TMEM214: variants seen among roughly 807,000 people sequenced by gnomAD.
TMEM214 encodes transmembrane protein 214.
TMEM214 carries 71 observed loss-of-function variants against 89.8 expected under a neutral mutation model. The observed-to-expected ratio is 0.79, with a 90% CI of 0.65 to 0.96. The LOEUF (loss-of-function observed/expected upper bound fraction) is 0.96. TMEM214 is among the 40% of genes least tolerant of loss of function. TMEM214 has a pLI of 0.00. For synonymous variants in TMEM214, 332 were observed against 349.5 expected (o/e 0.95, Z 0.56); for missense variants, 754 against 843.4 (o/e 0.89, Z 1.31).
In TMEM214 at chr2:27,040,765, G is replaced by A; in HGVS notation, c.1998G>A (p.Trp666Ter). 1.2e-6 allele frequency: 2 copies of A among 1,614,168 alleles called. No individual in the cohort carries two copies. The highest frequency in any genetic ancestry group is 4.5e-5 in the East Asian group (2 of 44,884). ...MKTQLSEAVH[W>*]TWLCLQDITV... Reference sequence around the variant, plus strand: ...CACAGCTCAGTGAGGCTGTCCACTGGACCTGGCTTTGCCTACAGGACATTA... The same window carrying A: ...CACAGCTCAGTGAGGCTGTCCACTGAACCTGGCTTTGCCTACAGGACATTA... Residue 666 changes from tryptophan (W) to a stop codon, truncating the protein, a stop_gained, in exon 17 of 17, where the codon TGG (tryptophan) becomes TGA (stop). Coordinates refer to ENST00000238788, the MANE Select transcript of TMEM214 (RefSeq NM_017727.5). LOFTEE classifies it high-confidence loss of function.
chr2:27,039,801 G>C lies in TMEM214; in HGVS notation c.1586G>C (p.Cys529Ser). Residue 529 changes from cysteine (C) to serine (S), a missense_variant, in exon 14 of 17, where the codon TGT becomes TCT. Physicochemically the swap from Cys to Ser is moderately radical, Grantham distance 112 (BLOSUM62 -1). Transcript: ENST00000238788. ...SGFLPASQQA[C>S]AKLYSYSLQG... ...TTCTTACCTGCTAGCCAACAAGCGT[G>C]TGCCAAGCTCTACTCCTACAGTCTG... 1.2e-6 allele frequency: 2 copies of C among 1,614,228 alleles called. No homozygotes were observed. The highest frequency in any genetic ancestry group is 1.7e-6 in the Non-Finnish European group (2 of 1,180,046).
In TMEM214 at chr2:27,038,089, C is replaced by T. The variant is rs116333153; in HGVS notation, c.1153-57C>T. 7,217 of 1,613,274 alleles carry T rather than the reference C, an allele frequency of 4.5e-3. 38 individuals carry two copies. Among genetic ancestry groups the T allele is most frequent in the Middle Eastern group, 0.01 (62 of 6,058 alleles). On this transcript the variant is annotated intron_variant, in intron 9 of 16. Transcript: ENST00000238788. This position sits in a 1 kb window ranked among gnomAD's most constrained non-coding sequence, Gnocchi z 4.4. The stretch of plus-strand genomic sequence containing the variant: ...GGGAAGGGGATCACCTCTTAGCACT[C>T]CCCGCCTCTGCCAGCCCCATGCCCC...
At position 27,038,434 on chromosome 2, in the gene TMEM214, G is replaced by C; in HGVS notation, c.1245-50G>C. On this transcript the variant is annotated intron_variant, in intron 10 of 16. Transcript: ENST00000238788. The surrounding 1 kb of genome is among the most constrained non-coding windows in gnomAD (Gnocchi z 4.4). The stretch of plus-strand genomic sequence containing the variant: ...CAGGGCTAATGGAGGACAGGAGGAT[G>C]GGTGAGGCTGCGCGAGCCACCTGAC... The C allele has an allele frequency of 6.2e-7, 1 of 1,609,764 alleles. No individual in the cohort carries two copies. Among genetic ancestry groups the C allele is most frequent in the Non-Finnish European group, 8.5e-7 (1 of 1,177,122 alleles).
chr2:27,035,778 T>A lies in TMEM214; in HGVS notation c.637+50T>A, dbSNP rs778770796. On this transcript the variant is annotated intron_variant, in intron 4 of 16. Transcript: ENST00000238788. The stretch of plus-strand genomic sequence containing the variant: ...CCATCTTGGGAGCCTCCTCCTTTTT[T>A]TCCTGCTTCCAGTACCACTCAGTGG... 4 of 1,612,944 alleles carry A rather than the reference T, an allele frequency of 2.5e-6. No individual in the cohort carries two copies. In the East Asian group the frequency reaches 8.9e-5, roughly 36 times the overall value.
At chr2:27,037,324 C>T (rs1027311468) in intron 8 of TMEM214, 146 bp downstream of exon 8, 1 of 832,666 alleles carries the variant, frequency 1.2e-6, no homozygotes, top group African/African-American at 1.7e-5. Context: ...GAACAGTGAC[C>T]CCTTGAAATT....
chr2:27,040,233 G>GT, intron 15 of TMEM214, 35 bp downstream of exon 15: 1 of 1,605,166 alleles, frequency 6.2e-7, no homozygotes, highest in Non-Finnish European at 8.5e-7. Context: ...TAAGGGGCTG[G>GT]TTTTCCCAGG....
In TMEM214 at chr2:27,037,470, A is replaced by C. The variant is rs546618570; in HGVS notation, c.1011-91A>C. On this transcript the variant is annotated intron_variant, in intron 8 of 16. Transcript: ENST00000238788. ...AAGGTCCTCAGTGGCTATTCCCCACAGGCAGGCATGGGCTCTGAAGCAAGC... is the reference window on the plus strand; with the variant it reads ...AAGGTCCTCAGTGGCTATTCCCCACCGGCAGGCATGGGCTCTGAAGCAAGC... 25 of 1,512,094 alleles carry C rather than the reference A, an allele frequency of 1.7e-5. No homozygotes were observed. The South Asian group carries it at 2.8e-4, about 17-fold the overall frequency. 93.7% of individuals were successfully genotyped at this position (1,512,094 alleles called of 1,614,324 possible).
In TMEM214 at chr2:27,039,822, G is replaced by T. The variant is rs1272273267; in HGVS notation, c.1607G>T (p.Ser536Ile). 6.2e-7 allele frequency: 1 copy of T among 1,614,206 alleles called. No homozygotes were observed. The highest frequency in any genetic ancestry group is 1.7e-5 in the Admixed American group (1 of 60,030). ...GCGTGTGCCAAGCTCTACTCCTACA[G>T]TCTGCAAGGCTACAGGTGAGCTCCT... ...QQACAKLYSYSLQGYSWLGET... is the reference protein window; with the variant it reads ...QQACAKLYSYILQGYSWLGET... The change falls in exon 14 of 17, where the codon AGT becomes ATT. Residue 536 changes from serine to isoleucine, a missense_variant. Coordinates refer to ENST00000238788, the MANE Select transcript of TMEM214 (RefSeq NM_017727.5).
In TMEM214 at chr2:27,038,554, G is replaced by A. The variant is rs188961360; in HGVS notation, c.1293+22G>A. On this transcript the variant is annotated intron_variant, in intron 11 of 16. Transcript: ENST00000238788. This position sits in a 1 kb window ranked among gnomAD's most constrained non-coding sequence, Gnocchi z 4.4. ...GAAGGTGAGGAGCTGGGAGGACGTG[G>A]CAGGTTGAGCCCTGTCTGGATTCTA... is the stretch of plus-strand genomic sequence containing the variant. 47 of 1,613,804 alleles carry A rather than the reference G, an allele frequency of 2.9e-5. No individual in the cohort carries two copies. In the East Asian group the frequency reaches 6.7e-4, roughly 23 times the overall value.
At chr2:27,033,922 C>T (rs1196225321) in intron 1 of TMEM214, 145 bp from the exon 2 acceptor site, 1 of 861,772 alleles carries the variant, frequency 1.2e-6, no homozygotes, top group Non-Finnish European at 1.8e-6. Context: ...TGCCCTGCTC[C>T]TTAAGCAGTC....
Position 27,038,617 on chromosome 2 carries a change from C to G in TMEM214, c.1293+85C>G. ...GGGCTCCTCAGCCACTGTCCCTTCC[C>G]TGAGAAGGGACCCTGTTGGCATGGA... On this transcript the variant is annotated intron_variant, in intron 11 of 16. Transcript: ENST00000238788. The surrounding 1 kb of genome is among the most constrained non-coding windows in gnomAD (Gnocchi z 4.4). 1.2e-6 allele frequency: 2 copies of G among 1,606,038 alleles called. No individual in the cohort carries two copies. Among genetic ancestry groups the G allele is most frequent in the Non-Finnish European group, 1.7e-6 (2 of 1,174,014 alleles).
In TMEM214 at chr2:27,035,903, A is replaced by C. The variant is rs905871232; in HGVS notation, c.638-67A>C. ...CCTGGGGCCTGGGCTCACCGCTGAC[A>C]AATGGGAGATTTCAGGTTTGGGATG... On this transcript the variant is annotated intron_variant, in intron 4 of 16. Coordinates refer to ENST00000238788, the MANE Select transcript of TMEM214 (RefSeq NM_017727.5). 49 of 1,594,796 alleles carry C rather than the reference A, an allele frequency of 3.1e-5. No homozygotes were observed. The Middle Eastern group carries it at 5.0e-4, about 16-fold the overall frequency.
rs866636317 is a variant in TMEM214, at chr2:27,033,000, G to A, written c.-16G>A. 2.4e-6 allele frequency: 3 copies of A among 1,246,020 alleles called. No individual in the cohort carries two copies. Among genetic ancestry groups the A allele is most frequent in the Middle Eastern group, 6.1e-4 (2 of 3,268 alleles). The allele number at this position is 1,246,020 out of a possible 1,614,324, so 77.2% of individuals were successfully genotyped here. ...GGAAAGCCGGGGAAGTGGCCGAGGA[G>A]GGAGGGCTGCGAGCCATGGCGACCA... On this transcript the variant is annotated 5_prime_UTR_variant, in exon 1 of 17. Coordinates refer to ENST00000238788, the MANE Select transcript of TMEM214 (RefSeq NM_017727.5).
intron 13 of TMEM214, 137 bp downstream of exon 13, chr2:27,039,301 CAG>C: frequency 1.4e-6 from 1 of 724,182 alleles, no homozygotes; most frequent in Non-Finnish European, 2.3e-6. Context: ...ACTTTACAGA[CAG>C]ATTTTTTTGT....
Position 27,036,036 on chromosome 2 carries a change from C to T in TMEM214, c.704C>T (p.Thr235Met), listed in dbSNP as rs759680359. The T allele has an allele frequency of 5.4e-5, 87 of 1,614,036 alleles. No individual in the cohort carries two copies. The highest frequency in any genetic ancestry group is 2.7e-4 in the South Asian group (25 of 91,088). Residue 235 changes from threonine (T) to methionine (M), a missense_variant, in exon 5 of 17, where the codon ACG (threonine) becomes ATG (methionine). Coordinates refer to ENST00000238788, the MANE Select transcript of TMEM214 (RefSeq NM_017727.5). The stretch of plus-strand genomic sequence containing the variant: ...CTGCAAGACAAGCCCAAGATTGCCA[C>T]GGCAAACCTAGGCAAGGTGAGCTCT... ...AILQDKPKIA[T>M]ANLGKFLELL...
intron 1 of TMEM214, among the ~76,000 whole-genome samples, 172 bp downstream of exon 1, chr2:27,033,338 C>T (rs1248572816): frequency 6.6e-6 from 1 of 152,176 alleles, no homozygotes; most frequent in Non-Finnish European, 1.5e-5. Context: ...TTGCGGTCCT[C>T]ACCTCCCAGA....
In TMEM214 at chr2:27,041,103, C is replaced by G. The variant is rs1246889115; in HGVS notation, c.*266C>G. ...CAGCCTCCATCCTTGTGCTGGTAGC[C>G]TCTCACAACTCCGCCCTTGCCCTCT... On this transcript the variant is annotated 3_prime_UTR_variant, in exon 17 of 17. Coordinates refer to ENST00000238788, the MANE Select transcript of TMEM214 (RefSeq NM_017727.5). The G allele has an allele frequency of 4.3e-5, 18 of 423,394 alleles. No homozygotes were observed. Among genetic ancestry groups the G allele is most frequent in the Non-Finnish European group, 2.6e-5 (6 of 231,718 alleles). 26.2% of individuals were successfully genotyped at this position (423,394 alleles called of 1,614,324 possible). A position where few individuals can be genotyped will look rare whatever the true frequency, so the allele number is the denominator to read the frequency against.
At chr2:27,033,918 G>T in intron 1 of TMEM214, 149 bp from the exon 2 acceptor site, 1 of 813,244 alleles carries the variant, frequency 1.2e-6, no homozygotes, top group Non-Finnish European at 2.0e-6. Flanking sequence ...AGCCTGCCCT[G>T]CTCCTTAAGC....
intron 9 of TMEM214, 55 bp downstream of exon 9, chr2:27,037,757 C>T: frequency 6.2e-7 from 1 of 1,613,936 alleles, no homozygotes. Context: ...CTGTAGCGGT[C>T]CCTATCTGCT....
Sources: allele counts gnomAD v4.1 joint callset (sites outside exome capture counted in the v4.1 genomes callset), GRCh38; gene constraint gnomAD v4.1.1; non-coding constraint Gnocchi (gnomAD v3.1); transcripts MANE v1.5; gene names NCBI Gene and HGNC (gene_info 2026-07-23, HGNC 2026-07-21).